Variants in VIT observed in about 807,000 individuals in gnomAD.
VIT encodes vitrin.
Under a neutral mutation model 78.0 loss-of-function variants are expected in VIT, and 99 were observed. The observed-to-expected ratio is 1.27, with a 90% CI of 1.08 to 1.50. VIT has a LOEUF of 1.50. VIT is among the 40% of genes most tolerant of loss of function. The pLI is 0.00. For synonymous variants in VIT, 374 were observed against 334.3 expected (o/e 1.12, Z -1.29); for missense variants, 1,126 against 875.3 (o/e 1.29, Z -3.61).
chr2:36,725,662 T>C (rs1666796754), intron 2 of VIT, among the ~76,000 whole-genome samples: 1 of 151,772 alleles, frequency 6.6e-6, no homozygotes. Flanking sequence ...ATAAGATAAA[T>C]AAAAAGTTTT....
chr2:36,707,213 A>G (rs1665484564), intron 1 of VIT, among the ~76,000 whole-genome samples: 1 of 152,180 alleles, frequency 6.6e-6, no homozygotes, highest in Admixed American at 6.5e-5. Flanking sequence ...CAGACAGTCC[A>G]GGGGCAGGCC....
rs533387977 is a variant in VIT at position 36,781,740 on chromosome 2, A to T, written c.816A>T (p.Ser272=). 6 of 1,614,206 alleles carry T rather than the reference A, an allele frequency of 3.7e-6. No individual in the cohort carries two copies. The African/African-American group carries it at 8.0e-5, about 22-fold the overall frequency. Residue 272 remains serine, a synonymous_variant, in exon 10 of 16, where the codon TCA becomes TCT. Transcript: ENST00000379242. Reference sequence around the variant, plus strand: ...TTTGAAAATCAGGAGAGATGGACTCATGGAAACCTGGATCGGTCCTTTTAG... The same window carrying T: ...TTTGAAAATCAGGAGAGATGGACTCTTGGAAACCTGGATCGGTCCTTTTAG... ...GADVSLGEMD[S]WKPGSVLLDE... is the part of the protein sequence containing the mutation.
At position 36,787,284 on chromosome 2, in the gene VIT, C is replaced by T. The variant is rs777160863; in HGVS notation, c.1058+8C>T. 6.2e-7 allele frequency: 1 copy of T among 1,607,596 alleles called. No individual in the cohort carries two copies. Among genetic ancestry groups the T allele is most frequent in the Non-Finnish European group, 8.5e-7 (1 of 1,176,090 alleles). ...GGGTGTTGTCCAGTATGGGTAAGTG[C>T]AGTTAATGTTCTGAATCCAGAAAGG... On this transcript the variant is annotated splice_region_variant and intron_variant, in intron 12 of 15. Transcript: ENST00000379242.
At position 36,763,583 on chromosome 2, in the gene VIT, CTTTTT is replaced by C. The variant is rs70946947; in HGVS notation, c.488-3492_488-3488del. Among the ~76,000 whole-genome samples the C allele has an allele frequency of 2.1e-3, 127 of 60,420 alleles. 1 individual carries two copies. In the South Asian group the frequency reaches 0.021, roughly 10 times the overall value. The allele number at this position is 60,420 out of a possible 152,430, so 39.6% of individuals were successfully genotyped here. On this transcript the variant is annotated intron_variant, in intron 6 of 15. Coordinates refer to ENST00000379242, the MANE Select transcript of VIT (RefSeq NM_053276.4). ...GAGGAGTAATTTTTCTCTATCTTCC[CTTTTT>C]TTTTTTTTTTTTTTTTTTGAGATGA...
At chr2:36,711,813 G>A (rs1410648719) in intron 1 of VIT, among the ~76,000 whole-genome samples, 1 of 152,220 alleles carries the variant, frequency 6.6e-6, no homozygotes, top group Non-Finnish European at 1.5e-5. Context: ...GGCAGAAAGA[G>A]AGATCTAATG....
At chr2:36,807,104 C>T (rs962328197) in intron 14 of VIT, among the ~76,000 whole-genome samples, 3 of 152,198 alleles carry the variant, frequency 2.0e-5, no homozygotes, top group Non-Finnish European at 4.4e-5. Flanking sequence ...CTCTTTCCCT[C>T]GCCTGACGCC....
chr2:36,730,869 G>C (rs1667159422), intron 3 of VIT, among the ~76,000 whole-genome samples: 2 of 152,196 alleles, frequency 1.3e-5, no homozygotes, highest in African/African-American at 4.8e-5. Context: ...ACTCAGAATG[G>C]GGAGTACGTG....
chr2:36,735,715 T>G (rs1667472979), intron 3 of VIT, among the ~76,000 whole-genome samples: 1 of 152,246 alleles, frequency 6.6e-6, no homozygotes, highest in African/African-American at 2.4e-5. Flanking sequence ...TTTCCTTTAC[T>G]GGAACCTATT....
In VIT at chr2:36,810,502, A is replaced by T. The variant is rs11884536; in HGVS notation, c.1903+1517A>T. ...CATAAACAGCCTGGAGAAAACCCCA[A>T]GTGATAATAATAATACTACTACTAA... On this transcript the variant is annotated intron_variant, in intron 15 of 15. Transcript: ENST00000379242. Among the ~76,000 whole-genome samples the T allele has an allele frequency of 3.9e-3, 596 of 152,262 alleles. 7 individuals carry two copies. The highest frequency in any genetic ancestry group is 0.014 in the African/African-American group (577 of 41,498).
chr2:36,761,738 T>TA (rs959383942), intron 6 of VIT, among the ~76,000 whole-genome samples: 32 of 147,052 alleles, frequency 2.2e-4, no homozygotes, highest in African/African-American at 4.7e-4. Context: ...AGACTCCATC[T>TA]AAAAAAAAAA....
chr2:36,812,976 C>G (rs1667290078), intron 15 of VIT, among the ~76,000 whole-genome samples: 1 of 145,422 alleles, frequency 6.9e-6, no homozygotes, highest in African/African-American at 2.6e-5. Context: ...ATTCTCCTGT[C>G]TCAGCCTCCC....
intron 5 of VIT, among the ~76,000 whole-genome samples, chr2:36,755,587 G>A (rs1668711892): frequency 6.6e-6 from 1 of 152,196 alleles, no homozygotes; most frequent in Non-Finnish European, 1.5e-5. Flanking sequence ...ATAAGCATCT[G>A]TAGGGTAATG....
At chr2:36,787,927 A>T (rs1046256570) in intron 12 of VIT, 5 of 408,938 alleles carry the variant, frequency 1.2e-5, no homozygotes, top group African/African-American at 1.0e-4. Flanking sequence ...ATAGAAATGG[A>T]GGGCTCGTGT....
intron 3 of VIT, among the ~76,000 whole-genome samples, chr2:36,734,922 G>A (rs912936042): frequency 6.6e-6 from 1 of 152,186 alleles, no homozygotes; most frequent in Non-Finnish European, 1.5e-5. Flanking sequence ...CCAGCACTTT[G>A]GGAGGCCGAG....
chr2:36,789,302 T>C (rs1572542992), intron 12 of VIT, among the ~76,000 whole-genome samples: 1 of 152,140 alleles, frequency 6.6e-6, no homozygotes, highest in African/African-American at 2.4e-5. Flanking sequence ...TCAGACTAGA[T>C]GATTTATTAG....
chr2:36,697,182 G>A (rs1664730876), intron 1 of VIT, among the ~76,000 whole-genome samples: 1 of 152,096 alleles, frequency 6.6e-6, no homozygotes, highest in Non-Finnish European at 1.5e-5. Context: ...TAAATAAACT[G>A]CATTGATATT....
chr2:36,743,356 A>G, intron 4 of VIT, 100 bp downstream of exon 4: 2 of 1,251,822 alleles, frequency 1.6e-6, no homozygotes, highest in Non-Finnish European at 1.1e-6. Context: ...AAATATACAA[A>G]TATTTTTTAG....
chr2:36,778,329 C>T (rs1487989883), intron 9 of VIT, among the ~76,000 whole-genome samples: 2 of 152,178 alleles, frequency 1.3e-5, no homozygotes, highest in East Asian at 1.9e-4. Context: ...CCTCCTACCA[C>T]GGTTCTGGGA....
chr2:36,697,773 C>G (rs1310491295), intron 1 of VIT, among the ~76,000 whole-genome samples: 1 of 152,190 alleles, frequency 6.6e-6, no homozygotes, highest in East Asian at 1.9e-4. Flanking sequence ...ATTCCTAAAT[C>G]AAGAGTGGAA....
Sources: allele counts gnomAD v4.1 joint callset (sites outside exome capture counted in the v4.1 genomes callset), GRCh38; gene constraint gnomAD v4.1.1; transcripts MANE v1.5; gene names NCBI Gene and HGNC (gene_info 2026-07-23, HGNC 2026-07-21).